Variants in SRI observed in about 807,000 individuals in gnomAD.
SRI encodes sorcin.
In SRI, 30 loss-of-function variants were observed where a neutral mutation model predicts 33.3. That is an observed-to-expected ratio of 0.90 (90% CI 0.67 to 1.22). SRI has a LOEUF of 1.22. Ranked by LOEUF, SRI falls within the 50% of genes most tolerant of loss-of-function variation. SRI has a pLI of 0.00. For missense variants in SRI, 243 were observed against 250.8 expected, an observed-to-expected ratio of 0.97 and a Z score of 0.21; for synonymous variants, 75 against 89.9, an observed-to-expected ratio of 0.83 and a Z score of 0.94.
rs1213610697 is a variant in SRI, at chr7:88,210,048, C to T, written c.332G>A (p.Ser111Asn). The T allele has an allele frequency of 3.7e-6, 6 of 1,614,050 alleles. No homozygotes were observed. Among genetic ancestry groups the T allele is most frequent in the Admixed American group, 3.3e-5 (2 of 59,996 alleles). ...VLNGWRQHFISFDTDRSGTVD... is the reference protein window; with the variant it reads ...VLNGWRQHFINFDTDRSGTVD... ...TGTTCCACTCCTGTCAGTGTCAAAA[C>T]TGATAAAGTGTTGTCTCCAGCCATT... Residue 111 changes from serine (S) to asparagine (N), a missense_variant, in exon 5 of 8, where the codon AGT becomes AAT. Physicochemically the swap from Ser to Asn is conservative, Grantham distance 46. Transcript: ENST00000265729.
chr7:88,222,586 T>C (rs866233123), upstream of SRI, among the ~76,000 whole-genome samples: 4 of 152,122 alleles, frequency 2.6e-5, no homozygotes, highest in African/African-American at 9.7e-5. Context: ...TTCTGGATAT[T>C]AGCCCTCAAA....
intron 1 of SRI, chr7:88,226,879 T>G: frequency 6.2e-7 from 1 of 1,609,068 alleles, no homozygotes; most frequent in Non-Finnish European, 8.5e-7. Flanking sequence ...CATGGAATAG[T>G]CTAATATTAT....
intron 3 of SRI, among the ~76,000 whole-genome samples, chr7:88,214,457 A>G (rs1353171734): frequency 2.6e-5 from 4 of 152,200 alleles, no homozygotes; most frequent in African/African-American, 9.7e-5. Context: ...AGGATCTGAA[A>G]GGGCAGTGAG....
Position 88,206,716 on chromosome 7 carries a change from T to TTA in SRI, c.571-213_571-212insTA, listed in dbSNP as rs543649938. Among the ~76,000 whole-genome samples the TTA allele has an allele frequency of 1.9e-4, 29 of 152,154 alleles. No homozygotes were observed. In the East Asian group the frequency reaches 5.6e-3, roughly 29 times the overall value. On this transcript the variant is annotated intron_variant, in intron 7 of 7. Transcript: ENST00000265729. ...CCACAGGGTTTCTCACATCAAAACT[T>TTA]CTTAGAGAAAGCAGATATAACTTCA...
At position 88,206,385 on chromosome 7, in the gene SRI, T is replaced by A; in HGVS notation, c.*93A>T. On this transcript the variant is annotated 3_prime_UTR_variant, in exon 8 of 8. Coordinates refer to ENST00000265729, the MANE Select transcript of SRI (RefSeq NM_003130.4). ...AACAGCTGTTAAGAGAAAGTCGTGA[T>A]GTAAGTTTATACATATTACCGAAGG... 7.1e-7 allele frequency: 1 copy of A among 1,407,002 alleles called. No individual in the cohort carries two copies. Among genetic ancestry groups the A allele is most frequent in the Non-Finnish European group, 1.0e-6 (1 of 991,312 alleles). The allele number at this position is 1,407,002 out of a possible 1,614,324, so 87.2% of individuals were successfully genotyped here.
intron 7 of SRI, chr7:88,208,273 A>G: frequency 9.0e-7 from 1 of 1,113,662 alleles, no homozygotes; most frequent in Non-Finnish European, 1.2e-6. Context: ...AATAAATACA[A>G]CAAGCTGGGT....
intron 7 of SRI, chr7:88,208,282 G>A (rs1409621991): frequency 8.4e-7 from 1 of 1,195,982 alleles, no homozygotes; most frequent in African/African-American, 1.5e-5. Flanking sequence ...AACAAGCTGG[G>A]TCTTGAACCC....
chr7:88,226,046 T>C (rs931301281), intron 1 of SRI, among the ~76,000 whole-genome samples: 1 of 152,134 alleles, frequency 6.6e-6, no homozygotes, highest in Non-Finnish European at 1.5e-5. Context: ...TGGGACCACA[T>C]AGAAAGCAGA....
chr7:88,212,479 C>T (rs1198352378), intron 3 of SRI, among the ~76,000 whole-genome samples: 2 of 152,168 alleles, frequency 1.3e-5, no homozygotes, highest in Non-Finnish European at 2.9e-5. Context: ...ATTCTGATAC[C>T]TGGGCTGCAC....
chr7:88,206,140 T>A lies in SRI; in HGVS notation c.*338A>T, dbSNP rs555005854. The A allele has an allele frequency of 3.5e-5, 12 of 338,896 alleles. 1 individual carries two copies. The South Asian group carries it at 3.8e-4, about 11-fold the overall frequency. The allele number at this position is 338,896 out of a possible 1,614,324, so 21.0% of individuals were successfully genotyped here. A position where few individuals can be genotyped will look rare whatever the true frequency, so the allele number is the denominator to read the frequency against. On this transcript the variant is annotated 3_prime_UTR_variant, in exon 8 of 8. Transcript: ENST00000265729. The stretch of plus-strand genomic sequence containing the variant: ...GGAAAGATAACAGCTGTAGTCTGAT[T>A]AACAGTTTTTAGTGTCTCACAATGA...
rs1299221019 is a variant in SRI, at chr7:88,208,570, A to G, written c.512-5T>C. ...TATCCCGTCTTCGAAAGCTGTCTGT[A>G]AAACAACACAGTAAAATTTATGGTT... is the stretch of plus-strand genomic sequence containing the variant. On this transcript the variant is annotated splice_polypyrimidine_tract_variant and splice_region_variant and intron_variant, in intron 6 of 7. Transcript: ENST00000265729. 6.2e-7 allele frequency: 1 copy of G among 1,613,820 alleles called. No homozygotes were observed. The highest frequency in any genetic ancestry group is 2.2e-5 in the East Asian group (1 of 44,848).
Position 88,206,452 on chromosome 7 carries a change from T to C in SRI, c.*26A>G, listed in dbSNP as rs1214273812. 1.7e-5 allele frequency: 27 copies of C among 1,613,194 alleles called. No homozygotes were observed. The highest frequency in any genetic ancestry group is 2.2e-5 in the Non-Finnish European group (26 of 1,179,312). On this transcript the variant is annotated 3_prime_UTR_variant, in exon 8 of 8. Coordinates refer to ENST00000265729, the MANE Select transcript of SRI (RefSeq NM_003130.4). ...AGGAGAGCTCCAGTTGGAATGTTGA[T>C]TACATTCATGCAGCTTCCTCTTGAT...
rs950420787 is a variant in SRI at position 88,219,988 on chromosome 7, G to A, written c.39C>T (p.Tyr13=). ...AGTCAGCACTTACCCCGCCTGGGTA[G>A]TACCCGCCGCCGGCGCCAGGATGCC... is the stretch of plus-strand genomic sequence containing the variant. ...YPGHPGAGGG[Y]YPGGYGGAPG... The change falls in exon 1 of 8, where the codon TAC becomes TAT. Residue 13 remains tyrosine, a synonymous_variant. Coordinates refer to ENST00000265729, the MANE Select transcript of SRI (RefSeq NM_003130.4). The A allele has an allele frequency of 3.9e-6, 6 of 1,538,716 alleles. No individual in the cohort carries two copies. Among genetic ancestry groups the A allele is most frequent in the South Asian group, 3.6e-5 (3 of 83,450 alleles).
At chr7:88,207,126 T>G (rs1261842812) in intron 7 of SRI, among the ~76,000 whole-genome samples, 1 of 152,232 alleles carries the variant, frequency 6.6e-6, no homozygotes, top group East Asian at 1.9e-4. Flanking sequence ...TAAGGTATTG[T>G]GCACTGCTAA....
At position 88,210,784 on chromosome 7, in the gene SRI, C is replaced by T. The variant is rs1025893050; in HGVS notation, c.249+98G>A. On this transcript the variant is annotated intron_variant, in intron 4 of 7. Transcript: ENST00000265729. ...TTATTTCAGAAAGCTTTTTAGTGATCATTTATTACTTTGTGTTTACTAGAT... is the reference window on the plus strand; with the variant it reads ...TTATTTCAGAAAGCTTTTTAGTGATTATTTATTACTTTGTGTTTACTAGAT... 7 of 1,176,316 alleles carry T rather than the reference C, an allele frequency of 6.0e-6. No individual in the cohort carries two copies. The African/African-American group carries it at 6.2e-5, about 10-fold the overall frequency. 72.9% of individuals were successfully genotyped at this position (1,176,316 alleles called of 1,614,324 possible). A position where few individuals can be genotyped will look rare whatever the true frequency, so the allele number is the denominator to read the frequency against.
rs777820078 is a variant in SRI at position 88,218,940 on chromosome 7, A to G, written c.54T>C (p.Tyr18=). The part of the protein sequence containing the change: ...GAGGGYYPGG[Y]GGAPGGPAFP... ...ACGCAGGCCCTCCGGGAGCCCCTCCATACTGTGAAACAGGAAACACATACA... is the reference window on the plus strand; with the variant it reads ...ACGCAGGCCCTCCGGGAGCCCCTCCGTACTGTGAAACAGGAAACACATACA... Residue 18 remains tyrosine (Y), a splice_region_variant and synonymous_variant, in exon 2 of 8, where the codon TAT becomes TAC. Coordinates refer to ENST00000265729, the MANE Select transcript of SRI (RefSeq NM_003130.4). The G allele has an allele frequency of 1.2e-6, 2 of 1,613,792 alleles. No individual in the cohort carries two copies. The highest frequency in any genetic ancestry group is 2.2e-5 in the South Asian group (2 of 91,080).
intron 3 of SRI, among the ~76,000 whole-genome samples, chr7:88,211,390 G>A (rs993107906): frequency 3.9e-5 from 6 of 152,078 alleles, no homozygotes; most frequent in East Asian, 1.9e-4. Flanking sequence ...GGGAGGAGGC[G>A]GTTACAGTGA....
At chr7:88,208,694 C>T (rs1026431214) in intron 6 of SRI, 129 bp from the exon 7 acceptor site, 8 of 1,393,200 alleles carry the variant, frequency 5.7e-6, no homozygotes, top group Non-Finnish European at 7.8e-6. Flanking sequence ...TTAACATAAA[C>T]AAAAGACCAA....
chr7:88,206,577 C>T, intron 7 of SRI, 73 bp from the exon 8 acceptor site: 2 of 1,579,060 alleles, frequency 1.3e-6, no homozygotes, highest in South Asian at 1.1e-5. Flanking sequence ...TGGCAGCTTA[C>T]ATTTGGTTTT....
Sources: allele counts gnomAD v4.1 joint callset (sites outside exome capture counted in the v4.1 genomes callset), GRCh38; gene constraint gnomAD v4.1.1; transcripts MANE v1.5; gene names NCBI Gene and HGNC (gene_info 2026-07-23, HGNC 2026-07-21).